Variants in PEAK1 observed in about 807,000 individuals in gnomAD.
PEAK1 encodes the protein inactive tyrosine-protein kinase PEAK1.
Under a neutral mutation model 124.7 loss-of-function variants are expected in PEAK1, and 54 were observed. The ratio of observed to expected loss-of-function variants is 0.43; its 90% CI spans 0.35 to 0.54. The LOEUF is 0.54. PEAK1 is among the 20% of genes least tolerant of loss of function. The pLI is 0.01. For missense variants in PEAK1, 2,046 were observed against 2,134.5 expected (o/e 0.96, Z 0.82); for synonymous variants, 719 against 760.0 (o/e 0.95, Z 0.89).
chr15:77,350,021 G>T, intron 2 of PEAK1: 1 of 984,976 alleles, frequency 1.0e-6, no homozygotes, highest in Non-Finnish European at 1.2e-6. Context: ...AGAAGACATA[G>T]AACAGCAATG....
chr15:77,402,817 C>T (rs527632208), intron 1 of PEAK1: 59 of 984,858 alleles, frequency 6.0e-5, no homozygotes, highest in Non-Finnish European at 7.0e-5. Context: ...AGATAAAAGC[C>T]ATGTTGTATG....
At chr15:77,329,939 T>A (rs1466683193) in intron 2 of PEAK1, among the ~76,000 whole-genome samples, 1 of 152,108 alleles carries the variant, frequency 6.6e-6, no homozygotes, top group East Asian at 1.9e-4. Flanking sequence ...TTAACTAATA[T>A]CTTGGTTCTA....
intron 6 of PEAK1, among the ~76,000 whole-genome samples, chr15:77,226,068 T>TATAC (rs1567137721): frequency 7.3e-6 from 1 of 136,344 alleles, no homozygotes; most frequent in Non-Finnish European, 1.6e-5. Context: ...TATATATATA[T>TATAC]ATATATATAT....
At chr15:77,202,310 A>G (rs551326488) in intron 6 of PEAK1, among the ~76,000 whole-genome samples, 2 of 152,266 alleles carry the variant, frequency 1.3e-5, no homozygotes, top group East Asian at 3.9e-4. Context: ...TCTGCATATA[A>G]CTTTTGACTA....
At chr15:77,119,052 TG>T (rs2051663965) in intron 9 of PEAK1, among the ~76,000 whole-genome samples, 1 of 151,372 alleles carries the variant, frequency 6.6e-6, no homozygotes, top group African/African-American at 2.4e-5. Flanking sequence ...ACCAGGCTGC[TG>T]AAGGTTGAAT....
chr15:77,311,711 AAG>A (rs1431781353), intron 2 of PEAK1, among the ~76,000 whole-genome samples: 78 of 151,428 alleles, frequency 5.2e-4, no homozygotes, highest in Non-Finnish European at 1.0e-3. Context: ...AAAAAAGAAA[AAG>A]AAAACTAAAG....
intron 8 of PEAK1, among the ~76,000 whole-genome samples, chr15:77,134,563 G>A (rs551689509): frequency 1.6e-4 from 24 of 152,270 alleles, no homozygotes; most frequent in Admixed American, 5.2e-4. Context: ...ATTCATCTGT[G>A]CTTAGTTTCC....
At chr15:77,313,121 A>G (rs2064582316) in intron 2 of PEAK1, among the ~76,000 whole-genome samples, 1 of 152,212 alleles carries the variant, frequency 6.6e-6, no homozygotes, top group African/African-American at 2.4e-5. Flanking sequence ...CAGGAAATAC[A>G]CAAGATAAAC....
chr15:77,362,019 T>C (rs2067920092), intron 2 of PEAK1, among the ~76,000 whole-genome samples: 5 of 151,992 alleles, frequency 3.3e-5, no homozygotes, highest in Non-Finnish European at 7.4e-5. Context: ...CACTCATTGG[T>C]AGTAGGGAGG....
rs983354450 is a variant in PEAK1 at position 77,114,034 on chromosome 15, C to T, written c.*122G>A. 24 of 1,046,760 alleles carry T rather than the reference C, an allele frequency of 2.3e-5. No individual in the cohort carries two copies. The highest frequency in any genetic ancestry group is 1.2e-4 in the East Asian group (5 of 41,768). 64.8% of individuals were successfully genotyped at this position (1,046,760 alleles called of 1,614,324 possible). A position where few individuals can be genotyped will look rare whatever the true frequency, so the allele number is the denominator to read the frequency against. The stretch of plus-strand genomic sequence containing the variant: ...CTTTCTGAATAGACCCACTTGTTCA[C>T]GGACAGGGATAGAGGTTTGCCTTTC... On this transcript the variant is annotated 3_prime_UTR_variant, in exon 10 of 10. Coordinates refer to ENST00000682557, the MANE Select transcript of PEAK1 (RefSeq NM_001385026.1).
chr15:77,146,913 CT>C (rs1249956700), intron 8 of PEAK1, among the ~76,000 whole-genome samples: 1 of 152,168 alleles, frequency 6.6e-6, no homozygotes, highest in Non-Finnish European at 1.5e-5. Flanking sequence ...TAATGACATT[CT>C]TTTAAGTATA....
intron 2 of PEAK1, among the ~76,000 whole-genome samples, chr15:77,361,318 T>C (rs1400604155): frequency 6.6e-6 from 1 of 152,162 alleles, no homozygotes; most frequent in African/African-American, 2.4e-5. Context: ...TACATACCTG[T>C]AGTCCTGTCT....
chr15:77,348,796 T>C lies in PEAK1; in HGVS notation c.-603+16367A>G, dbSNP rs1232093087. 5 of 605,630 alleles carry C rather than the reference T, an allele frequency of 8.3e-6. No individual in the cohort carries two copies. The Admixed American group carries it at 6.9e-4, about 84-fold the overall frequency. 37.5% of individuals were successfully genotyped at this position (605,630 alleles called of 1,614,324 possible). ...AATATCTTTTTTTCTTTTTTGTTTT[T>C]GTGGGGGAGGGGGCGGGCAGGTGGG... On this transcript the variant is annotated intron_variant, in intron 2 of 9. Coordinates refer to ENST00000682557, the MANE Select transcript of PEAK1 (RefSeq NM_001385026.1).
intron 6 of PEAK1, among the ~76,000 whole-genome samples, chr15:77,233,608 T>C (rs1299972202): frequency 6.6e-6 from 1 of 152,204 alleles, no homozygotes; most frequent in Non-Finnish European, 1.5e-5. Context: ...AGGGATTTTA[T>C]CCAATCCTGT....
chr15:77,163,209 C>G (rs1251636737), intron 7 of PEAK1, among the ~76,000 whole-genome samples: 1 of 152,156 alleles, frequency 6.6e-6, no homozygotes, highest in Non-Finnish European at 1.5e-5. Flanking sequence ...ATTCTTCAAC[C>G]AACTTTCCAT....
chr15:77,351,790 G>A, intron 2 of PEAK1: 1 of 985,450 alleles, frequency 1.0e-6, no homozygotes, highest in Non-Finnish European at 1.2e-6. Context: ...TGATGAAAAT[G>A]TGGAGCACTG....
rs143059908 is a variant in PEAK1 at position 77,396,153 on chromosome 15, G to A, written c.-666+23853C>T. Among the ~76,000 whole-genome samples, 69 of 151,774 alleles carry A rather than the reference G, an allele frequency of 4.5e-4. 1 individual carries two copies. In the East Asian group the frequency reaches 0.013, roughly 29 times the overall value. ...GTGTTATCACCAATTTAAAATAATGGGTTATTTAAAACCCATTATCAAATA... is the reference window on the plus strand; with the variant it reads ...GTGTTATCACCAATTTAAAATAATGAGTTATTTAAAACCCATTATCAAATA... On this transcript the variant is annotated intron_variant, in intron 1 of 9. Transcript: ENST00000682557.
chr15:77,337,447 A>G lies in PEAK1; in HGVS notation c.-603+27716T>C, dbSNP rs1349960327. On this transcript the variant is annotated intron_variant, in intron 2 of 9. Transcript: ENST00000682557. ...CTAAGAATTTGATGATTTCTCTGAA[A>G]TTAATAGGTCTGTAACATCATCCAG... is the stretch of plus-strand genomic sequence containing the variant. 7.2e-6 allele frequency: 7 copies of G among 974,616 alleles called. No homozygotes were observed. In the Admixed American group the frequency reaches 4.3e-4, roughly 60 times the overall value. The allele number at this position is 974,616 out of a possible 1,614,324, so 60.4% of individuals were successfully genotyped here.
At chr15:77,140,655 G>T (rs1407433084) in intron 8 of PEAK1, among the ~76,000 whole-genome samples, 1 of 151,892 alleles carries the variant, frequency 6.6e-6, no homozygotes, top group Non-Finnish European at 1.5e-5. Flanking sequence ...AATGATAAAA[G>T]ACTGGAAATT....
Sources: gnomAD v4.1 joint callset for allele counts (sites outside exome capture counted in the v4.1 genomes callset) on GRCh38, gnomAD v4.1.1 for gene constraint, MANE v1.5 for transcripts, NCBI Gene and HGNC (gene_info 2026-07-23, HGNC 2026-07-21) for gene names.